EGFL6: variants seen among roughly 807,000 people sequenced by gnomAD.
EGFL6 encodes EGF like domain multiple 6.
In EGFL6, 42 loss-of-function variants were observed where a neutral mutation model predicts 43.1. The ratio of observed to expected loss-of-function variants is 0.98; its 90% CI spans 0.76 to 1.26. The LOEUF (loss-of-function observed/expected upper bound fraction) is 1.26. Among genes scored for constraint, EGFL6 ranks in the 50% most tolerant of loss-of-function variants. The pLI is 0.00. For synonymous variants in EGFL6, 164 were observed against 163.2 expected, an observed-to-expected ratio of 1.01 and a Z score of -0.04; for missense variants, 429 against 427.8, an observed-to-expected ratio of 1.00 and a Z score of -0.02.
Position 13,608,318 on chromosome X carries a change from T to G in EGFL6, c.656-6T>G. The G allele has an allele frequency of 8.3e-7, 1 of 1,210,859 alleles. No homozygotes were observed. Among genetic ancestry groups the G allele is most frequent in the Non-Finnish European group, 1.1e-6 (1 of 895,031 alleles). ...CAGAGTCGTTCACTGGAATGTTCTT[T>G]TTTAGATATAAATGAATGTACTATG... On this transcript the variant is annotated splice_polypyrimidine_tract_variant and splice_region_variant and intron_variant, in intron 6 of 11. Coordinates refer to ENST00000361306, the MANE Select transcript of EGFL6 (RefSeq NM_015507.4).
intron 5 of EGFL6, among the ~76,000 whole-genome samples, chrX:13,603,750 C>T (rs1194785247): frequency 8.9e-6 from 1 of 112,005 alleles, no homozygotes; most frequent in Non-Finnish European, 1.9e-5. Context: ...TATATTTTGT[C>T]ATTTAATGAG....
intron 7 of EGFL6, among the ~76,000 whole-genome samples, chrX:13,615,363 T>C (rs1465895565): frequency 3.6e-5 from 4 of 112,510 alleles, no homozygotes; most frequent in Non-Finnish European, 7.5e-5. Context: ...TGAAACCCTT[T>C]CCTCATTATT....
Position 13,618,038 on chromosome X carries a change from C to T in EGFL6, c.1087C>T (p.Arg363Ter), listed in dbSNP as rs148370744. Residue 363 changes from arginine (R) to a stop codon, truncating the protein, a stop_gained, in exon 8 of 12, where the codon CGA (arginine) becomes TGA (stop). Transcript: ENST00000361306. LOFTEE classifies it high-confidence loss of function. ...GAATGACATAGAGGAGCGAAGCCTG[C>T]GAGGAGATGTGTTTTGTGAGTGTTA... The part of the protein sequence containing the change: ...LKNDIEERSL[R>*]GDVFFPKVNE... 9.3e-6 allele frequency: 11 copies of T among 1,188,340 alleles called. No individual in the cohort carries two copies. The highest frequency in any genetic ancestry group is 9.0e-5 in the East Asian group (3 of 33,455).
chrX:13,590,720 G>A (rs757834905), intron 2 of EGFL6, among the ~76,000 whole-genome samples: 46 of 111,799 alleles, frequency 4.1e-4, no homozygotes, highest in Non-Finnish European at 7.0e-4. Flanking sequence ...CATTGATATC[G>A]TTCCCACATG....
intron 7 of EGFL6, among the ~76,000 whole-genome samples, chrX:13,610,546 G>A (rs1249549672): frequency 3.6e-5 from 4 of 112,180 alleles, no homozygotes; most frequent in Non-Finnish European, 5.6e-5. Flanking sequence ...AGAGAGATTG[G>A]CTGCCCAGGC....
At chrX:13,577,298 T>TTATA (rs1199851773) in intron 1 of EGFL6, among the ~76,000 whole-genome samples, 790 of 23,599 alleles carry the variant, frequency 0.033, 6 homozygotes, top group Middle Eastern at 0.069. Flanking sequence ...TATATGAATT[T>TTATA]TATATATATA....
At chrX:13,592,917 C>CTTTT (rs562569967) in intron 2 of EGFL6, among the ~76,000 whole-genome samples, 1 of 82,190 alleles carries the variant, frequency 1.2e-5, no homozygotes, top group Non-Finnish European at 2.3e-5. Flanking sequence ...TAGGTTCTTT[C>CTTTT]TTTTTTTTTT....
intron 10 of EGFL6, 64 bp downstream of exon 10, chrX:13,623,989 T>C: frequency 1.1e-6 from 1 of 902,476 alleles, no homozygotes; most frequent in Non-Finnish European, 1.6e-6. Flanking sequence ...CCTCCATGAG[T>C]GATGGGTTGT....
chrX:13,587,248 A>T (rs1038556297), intron 1 of EGFL6, among the ~76,000 whole-genome samples: 3 of 112,681 alleles, frequency 2.7e-5, no homozygotes, highest in African/African-American at 9.7e-5. Flanking sequence ...CTCAATTTTT[A>T]AAATACTAAA....
intron 1 of EGFL6, among the ~76,000 whole-genome samples, chrX:13,577,533 G>C (rs1478408469): frequency 1.8e-5 from 2 of 108,448 alleles, no homozygotes; most frequent in African/African-American, 6.7e-5. Context: ...CCACATGAGA[G>C]AATCAGGGAA....
intron 9 of EGFL6, among the ~76,000 whole-genome samples, chrX:13,620,402 A>G (rs2045743112): frequency 9.1e-6 from 1 of 110,393 alleles, no homozygotes; most frequent in African/African-American, 3.3e-5. Flanking sequence ...TTACCACTAT[A>G]CATGTGGTAA....
Position 13,569,899 on chromosome X carries a change from T to C in EGFL6, c.38T>C (p.Leu13Pro). The C allele has an allele frequency of 8.3e-7, 1 of 1,211,958 alleles. No homozygotes were observed. The highest frequency in any genetic ancestry group is 1.1e-6 in the Non-Finnish European group (1 of 895,353). Residue 13 changes from leucine to proline, a missense_variant, in exon 1 of 12, where the codon CTC becomes CCC. Physicochemically the swap from Leu to Pro is moderately conservative, Grantham distance 98. Transcript: ENST00000361306. ...TGGAGCCTTGCGCTCCCGCTGCTGC[T>C]CTCCTGGGTGGCAGGTGGTTTCGGG... is the stretch of plus-strand genomic sequence containing the variant. ...LPWSLALPLL[L>P]SWVAGGFGNA...
At chrX:13,581,274 G>A (rs898745051) in intron 1 of EGFL6, among the ~76,000 whole-genome samples, 4 of 112,152 alleles carry the variant, frequency 3.6e-5, no homozygotes, top group Non-Finnish European at 7.5e-5. Flanking sequence ...ACCCAGGCAA[G>A]TTTTTCACTG....
In EGFL6 at chrX:13,623,957, A is replaced by G. The variant is rs753342813; in HGVS notation, c.1285+32A>G. ...ATATTTGACAGTTTCATGTTCTGCA[A>G]TATGGTGAAGGGATAGAAAGCCCTC... On this transcript the variant is annotated intron_variant, in intron 10 of 11. Coordinates refer to ENST00000361306, the MANE Select transcript of EGFL6 (RefSeq NM_015507.4). 5.6e-6 allele frequency: 6 copies of G among 1,075,128 alleles called. No individual in the cohort carries two copies. The Admixed American group carries it at 1.3e-4, about 24-fold the overall frequency. The allele number at this position is 1,075,128 out of a possible 1,213,427, so 88.6% of individuals were successfully genotyped here.
intron 6 of EGFL6, 132 bp downstream of exon 6, chrX:13,606,645 G>A: frequency 1.4e-6 from 1 of 697,470 alleles, no homozygotes; most frequent in Non-Finnish European, 2.0e-6. Context: ...TAACAATAAG[G>A]AAAGGTTATT....
intron 5 of EGFL6, among the ~76,000 whole-genome samples, chrX:13,605,417 A>T (rs2045654613): frequency 1.8e-5 from 2 of 108,770 alleles, no homozygotes; most frequent in South Asian, 4.0e-4. Context: ...TACAAAAAAA[A>T]AATAATAAAA....
intron 1 of EGFL6, among the ~76,000 whole-genome samples, chrX:13,582,155 CG>C (rs2045510052): frequency 9.1e-6 from 1 of 109,337 alleles, no homozygotes; most frequent in African/African-American, 3.3e-5. Flanking sequence ...CTCTGACTCC[CG>C]GGTTCACGCC....
At chrX:13,570,310 C>A (rs1027287528) in intron 1 of EGFL6, among the ~76,000 whole-genome samples, 1 of 111,186 alleles carries the variant, frequency 9.0e-6, no homozygotes, top group Non-Finnish European at 1.9e-5. Context: ...TGGGTGGGTT[C>A]TGTGTCTGTG....
intron 1 of EGFL6, among the ~76,000 whole-genome samples, chrX:13,584,634 C>T (rs1443490306): frequency 8.9e-6 from 1 of 111,781 alleles, no homozygotes; most frequent in Admixed American, 9.5e-5. Flanking sequence ...GTTCCTCCAC[C>T]CATATTCCTC....
Sources: gnomAD v4.1 joint callset for allele counts (sites outside exome capture counted in the v4.1 genomes callset) on GRCh38, gnomAD v4.1.1 for gene constraint, MANE v1.5 for transcripts, NCBI Gene and HGNC (gene_info 2026-07-23, HGNC 2026-07-21) for gene names.